The following JAKMIP1 variants were observed in gnomAD, a reference collection of about 807,000 sequenced individuals.
The protein encoded by JAKMIP1 is janus kinase and microtubule-interacting protein 1.
Under a neutral mutation model 113.0 loss-of-function variants are expected in JAKMIP1, and 33 were observed. The ratio of observed to expected loss-of-function variants is 0.29; its 90% CI spans 0.22 to 0.39. JAKMIP1 has a LOEUF of 0.39. Ranked by LOEUF, JAKMIP1 falls within the 10% of genes least tolerant of loss-of-function variation. The pLI is 1.00. For missense variants in JAKMIP1, 813 were observed against 1,080.5 expected, an observed-to-expected ratio of 0.75 and a Z score of 3.47; for synonymous variants, 480 against 459.9, an observed-to-expected ratio of 1.04 and a Z score of -0.56.
chr4:6,151,211 C>T (rs1224716457), intron 1 of JAKMIP1, among the ~76,000 whole-genome samples: 2 of 152,206 alleles, frequency 1.3e-5, no homozygotes, highest in Non-Finnish European at 2.9e-5. Flanking sequence ...ATGTTCCATA[C>T]AGGACCTCAT....
At position 6,179,020 on chromosome 4, in the gene JAKMIP1, C is replaced by G. The variant is rs1339277734; in HGVS notation, c.-148+21233G>C. On this transcript the variant is annotated intron_variant, in intron 1 of 20. Transcript: ENST00000409021. This position sits in a 1 kb window ranked among gnomAD's most constrained non-coding sequence, Gnocchi z 4.5. ...CATCCAAAAAGATCAGGTTACAAAGCTGGTATAGCATATTCCCAGGAAAAA... is the reference window on the plus strand; with the variant it reads ...CATCCAAAAAGATCAGGTTACAAAGGTGGTATAGCATATTCCCAGGAAAAA... 6.6e-6 allele frequency among the ~76,000 whole-genome samples: 1 copy of G among 152,234 alleles called. No individual in the cohort carries two copies. Among genetic ancestry groups the G allele is most frequent in the Non-Finnish European group, 1.5e-5 (1 of 68,038 alleles).
Position 6,036,075 on chromosome 4 carries a change from T to G in JAKMIP1, c.2208A>C (p.Thr736=). Residue 736 remains threonine (T), a synonymous_variant, in exon 19 of 21, where the codon ACA becomes ACC. Transcript: ENST00000409021. ...TCCGCCCCGGCTCCTGCTGCAGCGC[T>G]GTGTACAGTGTGGCCTCCAGGTCTT... ...KIQDLEATLY[T]ALQQEPGRRA... The G allele has an allele frequency of 6.4e-7, 1 of 1,557,354 alleles. No homozygotes were observed. Among genetic ancestry groups the G allele is most frequent in the Non-Finnish European group, 8.7e-7 (1 of 1,150,032 alleles).
chr4:6,057,117 T>A (rs796294215), intron 11 of JAKMIP1, among the ~76,000 whole-genome samples: 95 of 152,258 alleles, frequency 6.2e-4, no homozygotes, highest in African/African-American at 2.2e-3. Flanking sequence ...CACACTGACA[T>A]GCTTTTGTTC....
intron 12 of JAKMIP1, 132 bp downstream of exon 12, chr4:6,056,564 AG>A (rs1490654777): frequency 1.4e-6 from 1 of 696,922 alleles, no homozygotes; most frequent in Non-Finnish European, 2.6e-6. Flanking sequence ...TCCTCATGGG[AG>A]GTGTGCAGGA....
chr4:6,084,950 C>T lies in JAKMIP1; in HGVS notation c.850G>A (p.Glu284Lys), dbSNP rs1404778592. The T allele has an allele frequency of 4.3e-6, 5 of 1,161,370 alleles. No individual in the cohort carries two copies. The highest frequency in any genetic ancestry group is 6.1e-6 in the Non-Finnish European group (5 of 818,872). 71.9% of individuals were successfully genotyped at this position (1,161,370 alleles called of 1,614,324 possible). A position where few individuals can be genotyped will look rare whatever the true frequency, so the allele number is the denominator to read the frequency against. Residue 284 changes from glutamate (E) to lysine (K), a missense_variant, in exon 5 of 21, where the codon GAG (glutamate) becomes AAG (lysine). By Grantham distance (56) the Glu-to-Lys change is moderately conservative (BLOSUM62 1). Transcript: ENST00000409021. ...LMGVQDQHMD[E>K]RDVRRFQLKI... The stretch of plus-strand genomic sequence containing the variant: ...AGTTGAAATCGCCTCACATCTCGCT[C>T]GTCCATATGTTGATCCTAAAAAAAA...
chr4:6,052,604 C>A (rs1018231228), intron 13 of JAKMIP1, among the ~76,000 whole-genome samples: 2 of 148,396 alleles, frequency 1.3e-5, no homozygotes, highest in Admixed American at 6.7e-5. Context: ...CAAGAGTGCA[C>A]CACGCCACTG....
intron 1 of JAKMIP1, among the ~76,000 whole-genome samples, chr4:6,146,519 T>C (rs1720869801): frequency 6.6e-6 from 1 of 152,058 alleles, no homozygotes; most frequent in Admixed American, 6.5e-5. Context: ...ATCTTGAACC[T>C]CTAGGCTCAA....
In JAKMIP1 at chr4:6,162,639, A is replaced by G. The variant is rs1424610190; in HGVS notation, c.-148+37614T>C. Among the ~76,000 whole-genome samples the G allele has an allele frequency of 6.6e-6, 1 of 152,238 alleles. No homozygotes were observed. Among genetic ancestry groups the G allele is most frequent in the East Asian group, 1.9e-4 (1 of 5,202 alleles). Reference sequence around the variant, plus strand: ...TGCCAAGCTCAGTGTGGCACTGCCCATCTGTTAGCTCCTTAACTGTCACGA... The same window carrying G: ...TGCCAAGCTCAGTGTGGCACTGCCCGTCTGTTAGCTCCTTAACTGTCACGA... On this transcript the variant is annotated intron_variant, in intron 1 of 20. Transcript: ENST00000409021. The surrounding 1 kb of genome is among the most constrained non-coding windows in gnomAD (Gnocchi z 5.6).
chr4:6,071,833 A>G (rs1278765836), intron 8 of JAKMIP1, among the ~76,000 whole-genome samples: 2 of 152,030 alleles, frequency 1.3e-5, no homozygotes, highest in Admixed American at 6.6e-5. Context: ...TATCCCCAGG[A>G]CCCACATCTT....
Position 6,140,303 on chromosome 4 carries a change from C to T in JAKMIP1, c.-147-27306G>A, listed in dbSNP as rs547680516. ...GACTTTCACCAACATTTGTGTGATA[C>T]ACATCTTCCCACATAAATCATAATG... On this transcript the variant is annotated intron_variant, in intron 1 of 20. Transcript: ENST00000409021. The surrounding 1 kb of genome is among the most constrained non-coding windows in gnomAD (Gnocchi z 9.4). 6.7e-6 allele frequency among the ~76,000 whole-genome samples: 1 copy of T among 148,384 alleles called. No individual in the cohort carries two copies. Among genetic ancestry groups the T allele is most frequent in the African/African-American group, 2.5e-5 (1 of 40,004 alleles).
intron 19 of JAKMIP1, among the ~76,000 whole-genome samples, chr4:6,034,550 A>G (rs1318417037): frequency 6.6e-6 from 1 of 152,168 alleles, no homozygotes; most frequent in Non-Finnish European, 1.5e-5. Context: ...TCTTATAATC[A>G]CAGCACTTTG....
intron 3 of JAKMIP1, among the ~76,000 whole-genome samples, chr4:6,090,305 C>A (rs973670708): frequency 1.3e-5 from 2 of 152,006 alleles, no homozygotes; most frequent in Non-Finnish European, 2.9e-5. Context: ...TGAAGTGGTG[C>A]GACTGCAAGT....
At chr4:6,060,531 T>A in intron 10 of JAKMIP1, 24 bp from the exon 11 acceptor site, 1 of 1,587,732 alleles carries the variant, frequency 6.3e-7, no homozygotes, top group Non-Finnish European at 8.6e-7. Context: ...GACCAGGCAG[T>A]GAGCAGGTCA....
At position 6,051,452 on chromosome 4, in the gene JAKMIP1, G is replaced by A. The variant is rs992322861; in HGVS notation, c.1807-773C>T. 1.3e-5 allele frequency among the ~76,000 whole-genome samples: 2 copies of A among 152,092 alleles called. No homozygotes were observed. Among genetic ancestry groups the A allele is most frequent in the African/African-American group, 4.8e-5 (2 of 41,428 alleles). ...GGGGTTTCACCATGTTGGCCAGGCT[G>A]GTCTTGAACTCCAGAGACCTCAGGT... On this transcript the variant is annotated intron_variant, in intron 13 of 20. Transcript: ENST00000409021. This position sits in a 1 kb window ranked among gnomAD's most constrained non-coding sequence, Gnocchi z 5.0.
chr4:6,040,671 A>T lies in JAKMIP1; in HGVS notation c.2143T>A (p.Tyr715Asn). 1 of 1,613,656 alleles carries T rather than the reference A, an allele frequency of 6.2e-7. No homozygotes were observed. Among genetic ancestry groups the T allele is most frequent in the Non-Finnish European group, 8.5e-7 (1 of 1,179,780 alleles). The change falls in exon 18 of 21, where the codon TAC becomes AAC. Residue 715 changes from tyrosine to asparagine, a missense_variant. Tyr to Asn is a moderately radical substitution (Grantham distance 143). This residue lies in a region of JAKMIP1 where 273 missense variants were observed against 426.6 expected (regional missense o/e 0.64). Transcript: ENST00000409021. The surrounding 1 kb of genome is among the most constrained non-coding windows in gnomAD (Gnocchi z 5.8). ...GCCTGGTCAAGGGCTTGCTTCCGGT[A>T]GTCGAGCTCCTCTTCCAGGTAGCCC... ...QKGYLEEELDYRKQALDQAYL... is the reference protein window; with the variant it reads ...QKGYLEEELDNRKQALDQAYL...
chr4:6,072,179 C>T (rs1333737938), intron 8 of JAKMIP1, among the ~76,000 whole-genome samples: 1 of 152,238 alleles, frequency 6.6e-6, no homozygotes, highest in Non-Finnish European at 1.5e-5. Flanking sequence ...GTTTCTCTCA[C>T]AACCTGTGGA....
At chr4:6,170,781 TCAC>T (rs1252817413) in intron 1 of JAKMIP1, among the ~76,000 whole-genome samples, 1 of 66,918 alleles carries the variant, frequency 1.5e-5, no homozygotes, top group Non-Finnish European at 3.5e-5. Context: ...CATCCCACCC[TCAC>T]CACCACCACT....
At chr4:6,172,948 G>A (rs1025379320) in intron 1 of JAKMIP1, among the ~76,000 whole-genome samples, 4 of 152,346 alleles carry the variant, frequency 2.6e-5, no homozygotes, top group African/African-American at 9.6e-5. Flanking sequence ...TGATTGCACT[G>A]GGGTGAGGTT....
chr4:6,093,649 G>T lies in JAKMIP1; in HGVS notation c.625-8020C>A, dbSNP rs1722395435. Reference sequence around the variant, plus strand: ...AGGTCAGCAGTCTCTTGAAGTTCAGGGTCCTGAACCAGACACCTCCTGTAT... The same window carrying T: ...AGGTCAGCAGTCTCTTGAAGTTCAGTGTCCTGAACCAGACACCTCCTGTAT... On this transcript the variant is annotated intron_variant, in intron 3 of 20. Transcript: ENST00000409021. The surrounding 1 kb of genome is among the most constrained non-coding windows in gnomAD (Gnocchi z 4.6). Among the ~76,000 whole-genome samples, 1 of 152,078 alleles carries T rather than the reference G, an allele frequency of 6.6e-6. No individual in the cohort carries two copies. The highest frequency in any genetic ancestry group is 1.5e-5 in the Non-Finnish European group (1 of 68,012).
Sources: allele counts gnomAD v4.1 joint callset (sites outside exome capture counted in the v4.1 genomes callset), GRCh38; gene constraint gnomAD v4.1.1; regional missense constraint gnomAD v4.1.1; non-coding constraint Gnocchi (gnomAD v3.1); transcripts MANE v1.5; gene names NCBI Gene and HGNC (gene_info 2026-07-23, HGNC 2026-07-21).